Variants in RSRC1 observed in about 807,000 individuals in gnomAD.
The protein encoded by RSRC1 is arginine and serine rich coiled-coil 1.
In RSRC1, 39 loss-of-function variants were observed where a neutral mutation model predicts 49.1. The ratio of observed to expected loss-of-function variants is 0.79; its 90% CI spans 0.61 to 1.04. The LOEUF is 1.04. RSRC1 is among the 50% of genes least tolerant of loss of function. The probability of loss-of-function intolerance (pLI) is 0.00; values close to 1 mark genes in which losing one functional copy is unlikely to be tolerated. For synonymous variants in RSRC1, 143 were observed against 130.8 expected (o/e 1.09, Z -0.63); for missense variants, 388 against 402.4 (o/e 0.96, Z 0.31).
chr3:158,378,114 G>A (rs1021628279), intron 6 of RSRC1, among the ~76,000 whole-genome samples: 4 of 151,916 alleles, frequency 2.6e-5, no homozygotes, highest in African/African-American at 9.7e-5. Flanking sequence ...TTTCTATTTA[G>A]TGAAGTTTAA....
intron 3 of RSRC1, among the ~76,000 whole-genome samples, chr3:158,153,612 G>C (rs1717684434): frequency 6.6e-6 from 1 of 152,180 alleles, no homozygotes; most frequent in Admixed American, 6.5e-5. Flanking sequence ...GGAGTTACTT[G>C]GTAGTCATGC....
chr3:158,336,341 A>T (rs576588379), intron 5 of RSRC1: 1 of 152,282 alleles, frequency 6.6e-6, no homozygotes, highest in Non-Finnish European at 1.5e-5. Context: ...GATGCCAATC[A>T]TAATGTTCTG....
chr3:158,376,756 G>A (rs1732398592), intron 6 of RSRC1, among the ~76,000 whole-genome samples: 1 of 151,762 alleles, frequency 6.6e-6, no homozygotes, highest in South Asian at 2.1e-4. Flanking sequence ...TTTTCCCCTT[G>A]GTTGTTTCAG....
intron 7 of RSRC1, among the ~76,000 whole-genome samples, chr3:158,476,046 T>G (rs1206597746): frequency 6.6e-6 from 1 of 152,188 alleles, no homozygotes; most frequent in African/African-American, 2.4e-5. Context: ...AACAGCCTTA[T>G]TGCTGACAGG....
At chr3:158,198,103 C>T (rs1473522067) in intron 3 of RSRC1, among the ~76,000 whole-genome samples, 5 of 151,898 alleles carry the variant, frequency 3.3e-5, no homozygotes, top group Admixed American at 3.3e-4. Flanking sequence ...TTAAAGTCTC[C>T]CATTATTAAT....
intron 4 of RSRC1, among the ~76,000 whole-genome samples, chr3:158,261,631 G>A (rs913583446): frequency 4.6e-5 from 7 of 152,180 alleles, no homozygotes; most frequent in South Asian, 2.1e-4. Flanking sequence ...ACTCACCATC[G>A]CTTGCATTAC....
intron 1 of RSRC1, among the ~76,000 whole-genome samples, chr3:158,120,799 A>G (rs1366478121): frequency 2.0e-5 from 3 of 150,464 alleles, no homozygotes; most frequent in Non-Finnish European, 3.0e-5. Flanking sequence ...TTGAATAAAT[A>G]TTAAAGATGA....
intron 6 of RSRC1, among the ~76,000 whole-genome samples, chr3:158,419,979 GCCTCCCTCCACT>G (rs1249200981): frequency 6.6e-6 from 1 of 151,466 alleles, no homozygotes; most frequent in Non-Finnish European, 1.5e-5. Context: ...CTCTTCCTCT[GCCTCCCTCCACT>G]CCTCCCTCTC....
chr3:158,124,917 A>G (rs1014487643), intron 3 of RSRC1, among the ~76,000 whole-genome samples: 2 of 150,650 alleles, frequency 1.3e-5, no homozygotes, highest in African/African-American at 2.4e-5. Context: ...CCTGGGCTCA[A>G]TGATCTTCTC....
At chr3:158,462,220 T>C (rs528530060) in intron 7 of RSRC1, among the ~76,000 whole-genome samples, 3 of 152,052 alleles carry the variant, frequency 2.0e-5, no homozygotes, top group Non-Finnish European at 4.4e-5. Flanking sequence ...TTACCTTCTT[T>C]TGGATCTCTT....
intron 6 of RSRC1, among the ~76,000 whole-genome samples, chr3:158,417,303 T>C (rs1037245086): frequency 6.6e-6 from 1 of 152,082 alleles, no homozygotes; most frequent in Non-Finnish European, 1.5e-5. Flanking sequence ...CTCCTAAAGC[T>C]ACCTTAATGC....
intron 5 of RSRC1, among the ~76,000 whole-genome samples, chr3:158,326,132 G>A (rs906334076): frequency 2.0e-5 from 3 of 152,168 alleles, no homozygotes; most frequent in Non-Finnish European, 4.4e-5. Context: ...ATTTTGGGCT[G>A]AGACGATGGG....
chr3:158,281,879 A>G (rs1263930741), intron 4 of RSRC1, among the ~76,000 whole-genome samples: 2 of 152,208 alleles, frequency 1.3e-5, no homozygotes, highest in South Asian at 2.1e-4. Flanking sequence ...TCGAACTGAA[A>G]GGAAGCCTAT....
chr3:158,147,659 A>G (rs1717228973), intron 3 of RSRC1, among the ~76,000 whole-genome samples: 1 of 152,154 alleles, frequency 6.6e-6, no homozygotes, highest in South Asian at 2.1e-4. Context: ...ATCAGCCTCC[A>G]AAAACAAATT....
intron 6 of RSRC1, among the ~76,000 whole-genome samples, chr3:158,407,309 G>T (rs921451043): frequency 6.6e-6 from 1 of 152,132 alleles, no homozygotes; most frequent in East Asian, 1.9e-4. Flanking sequence ...TGTCTTTAAA[G>T]ACTCAGTAGG....
In RSRC1 at chr3:158,309,036, C is replaced by T. The variant is rs367973883; in HGVS notation, c.531+10961C>T. Among the ~76,000 whole-genome samples, 11 of 151,784 alleles carry T rather than the reference C, an allele frequency of 7.2e-5. No individual in the cohort carries two copies. The East Asian group carries it at 1.9e-3, about 27-fold the overall frequency. On this transcript the variant is annotated intron_variant, in intron 5 of 9. Coordinates refer to ENST00000611884, the MANE Select transcript of RSRC1 (RefSeq NM_001271838.2). ...ATCATTATTCAGGGTTGTTTACATTCAAAATATGTAATGAAATCTGTTCAG... is the reference window on the plus strand; with the variant it reads ...ATCATTATTCAGGGTTGTTTACATTTAAAATATGTAATGAAATCTGTTCAG...
At chr3:158,180,135 A>G (rs1260519290) in intron 3 of RSRC1, among the ~76,000 whole-genome samples, 2 of 152,026 alleles carry the variant, frequency 1.3e-5, no homozygotes, top group Non-Finnish European at 2.9e-5. Flanking sequence ...TACTTAAAAC[A>G]TATTTTCTCC....
At chr3:158,149,833 G>T (rs1390839594) in intron 3 of RSRC1, among the ~76,000 whole-genome samples, 1 of 152,076 alleles carries the variant, frequency 6.6e-6, no homozygotes. Flanking sequence ...TGTTCCTATT[G>T]TTCTGGCAAC....
At chr3:158,542,712 G>A (rs1366374643) in intron 8 of RSRC1, among the ~76,000 whole-genome samples, 2 of 152,122 alleles carry the variant, frequency 1.3e-5, no homozygotes, top group African/African-American at 4.8e-5. Context: ...AGGTTTTGTG[G>A]GGGATGATGA....
Sources: allele counts gnomAD v4.1 joint callset (sites outside exome capture counted in the v4.1 genomes callset), GRCh38; gene constraint gnomAD v4.1.1; transcripts MANE v1.5; gene names NCBI Gene and HGNC (gene_info 2026-07-23, HGNC 2026-07-21).